The following NRCAM variants were observed in gnomAD, a reference collection of about 807,000 sequenced individuals.
NRCAM encodes the protein NgCAM-related cell adhesion molecule.
In NRCAM, 83 loss-of-function variants were observed where a neutral mutation model predicts 156.5. The observed-to-expected ratio is 0.53, with a 90% CI of 0.44 to 0.64. The LOEUF is 0.64. Ranked by LOEUF, NRCAM falls within the 30% of genes least tolerant of loss-of-function variation. NRCAM has a pLI of 0.00. For missense variants in NRCAM, 1,417 were observed against 1,597.3 expected (o/e 0.89, Z 1.92); for synonymous variants, 538 against 563.9 (o/e 0.95, Z 0.65).
intron 10 of NRCAM, 128 bp downstream of exon 10, chr7:108,225,517 A>G: frequency 2.8e-6 from 2 of 722,614 alleles, no homozygotes; most frequent in Non-Finnish European, 5.0e-6. Flanking sequence ...ATACATTTAT[A>G]CTAGTGGTAT....
chr7:108,217,372 G>A (rs942112536), intron 11 of NRCAM, among the ~76,000 whole-genome samples: 1 of 152,216 alleles, frequency 6.6e-6, no homozygotes, highest in Non-Finnish European at 1.5e-5. Flanking sequence ...GCTGGGAGGT[G>A]TCTCCCAGTC....
At chr7:108,404,340 C>A (rs2099801502) in intron 1 of NRCAM, among the ~76,000 whole-genome samples, 1 of 152,158 alleles carries the variant, frequency 6.6e-6, no homozygotes, top group Non-Finnish European at 1.5e-5. Flanking sequence ...TGCAAAGACT[C>A]TAAGACTTGG....
At chr7:108,367,437 T>A (rs909503765) in intron 2 of NRCAM, among the ~76,000 whole-genome samples, 1 of 152,150 alleles carries the variant, frequency 6.6e-6, no homozygotes, top group Non-Finnish European at 1.5e-5. Context: ...AATTCTTAAA[T>A]TAATAACTGA....
chr7:108,267,277 C>T (rs2097143107), intron 3 of NRCAM, among the ~76,000 whole-genome samples: 2 of 152,224 alleles, frequency 1.3e-5, no homozygotes, highest in Non-Finnish European at 2.9e-5. Context: ...CCTCTGCTTG[C>T]AAGATGTGTG....
At chr7:108,169,284 G>A (rs905690565) in intron 28 of NRCAM, among the ~76,000 whole-genome samples, 6 of 152,090 alleles carry the variant, frequency 3.9e-5, no homozygotes, top group Non-Finnish European at 8.8e-5. Flanking sequence ...ACCTGAGGCA[G>A]GCAATTCTAT....
intron 32 of NRCAM, among the ~76,000 whole-genome samples, chr7:108,154,229 T>C (rs537049494): frequency 2.0e-5 from 3 of 152,158 alleles, no homozygotes; most frequent in Non-Finnish European, 2.9e-5. Context: ...GATTGACCAA[T>C]GGAATGGAAT....
intron 1 of NRCAM, among the ~76,000 whole-genome samples, chr7:108,446,842 C>T (rs1226727871): frequency 6.6e-6 from 1 of 151,784 alleles, no homozygotes; most frequent in African/African-American, 2.4e-5. Context: ...ATTCTCCTGC[C>T]TCAGCCTCCT....
chr7:108,453,142 A>G (rs1040706136), intron 1 of NRCAM, among the ~76,000 whole-genome samples: 3 of 152,218 alleles, frequency 2.0e-5, no homozygotes, highest in Non-Finnish European at 2.9e-5. Context: ...AACACAGTAA[A>G]TATTTATTAA....
chr7:108,325,003 T>C (rs1340332891), intron 2 of NRCAM, among the ~76,000 whole-genome samples: 1 of 147,276 alleles, frequency 6.8e-6, no homozygotes, highest in Non-Finnish European at 1.5e-5. Flanking sequence ...GAAACCTCCC[T>C]CCACCAAATA....
At chr7:108,332,382 T>C (rs1221264037) in intron 2 of NRCAM, among the ~76,000 whole-genome samples, 1 of 152,220 alleles carries the variant, frequency 6.6e-6, no homozygotes, top group African/African-American at 2.4e-5. Context: ...ACTTTCTGTA[T>C]CTGGGCACTA....
At chr7:108,294,193 G>T (rs868311762) in intron 3 of NRCAM, among the ~76,000 whole-genome samples, 214 of 87,962 alleles carry the variant, frequency 2.4e-3, no homozygotes, top group Non-Finnish European at 2.7e-3. Flanking sequence ...TTCTTTACTG[G>T]TTTTTTTTTT....
At chr7:108,333,152 T>C (rs2099144193) in intron 2 of NRCAM, among the ~76,000 whole-genome samples, 1 of 152,206 alleles carries the variant, frequency 6.6e-6, no homozygotes, top group Admixed American at 6.5e-5. Flanking sequence ...CAAGGCTTAT[T>C]ACCATTTTCT....
intron 2 of NRCAM, among the ~76,000 whole-genome samples, chr7:108,376,510 G>A (rs192028770): frequency 6.6e-6 from 1 of 152,262 alleles, no homozygotes; most frequent in African/African-American, 2.4e-5. Context: ...CTGCCCTCCT[G>A]AGAAGAGTTA....
In NRCAM at chr7:108,219,523, T is replaced by G. The variant is rs369704401; in HGVS notation, c.890+4202A>C. On this transcript the variant is annotated intron_variant, in intron 11 of 32. Coordinates refer to ENST00000379028, the MANE Select transcript of NRCAM (RefSeq NM_001037132.4). ...CACCATGATCAAGTGGGTTGTATAC[T>G]AGGGATGCAGGGATGGTTTAACATA... Among the ~76,000 whole-genome samples, 34 of 152,300 alleles carry G rather than the reference T, an allele frequency of 2.2e-4. 1 individual carries two copies. In the East Asian group the frequency reaches 6.6e-3, roughly 29 times the overall value.
chr7:108,159,353 A>G lies in NRCAM; in HGVS notation c.3677+110T>C, dbSNP rs1479901920. 1.6e-5 allele frequency: 15 copies of G among 921,574 alleles called. No individual in the cohort carries two copies. In the South Asian group the frequency reaches 2.0e-4, roughly 12 times the overall value. 57.1% of individuals were successfully genotyped at this position (921,574 alleles called of 1,614,324 possible). A position where few individuals can be genotyped will look rare whatever the true frequency, so the allele number is the denominator to read the frequency against. On this transcript the variant is annotated intron_variant, in intron 32 of 32. Transcript: ENST00000379028. ...TACATGGAAGTATCCCTAAACTTCT[A>G]TTTGAGGAAAATATGAGATGCCAGG...
chr7:108,152,119 TA>T (rs899818665), intron 32 of NRCAM, among the ~76,000 whole-genome samples: 2 of 152,006 alleles, frequency 1.3e-5, no homozygotes, highest in South Asian at 2.1e-4. Context: ...ATCAACATAA[TA>T]AAAAAAATTA....
intron 5 of NRCAM, 65 bp downstream of exon 5, chr7:108,237,687 A>T: frequency 8.1e-7 from 1 of 1,235,012 alleles, no homozygotes; most frequent in Non-Finnish European, 1.1e-6. Context: ...TCACAATATT[A>T]ATTCAAAAAG....
intron 1 of NRCAM, among the ~76,000 whole-genome samples, chr7:108,431,002 A>G (rs1824350484): frequency 6.6e-6 from 1 of 152,182 alleles, no homozygotes; most frequent in South Asian, 2.1e-4. Flanking sequence ...TAGTGTATTA[A>G]TTAGGATAAG....
intron 13 of NRCAM, among the ~76,000 whole-genome samples, chr7:108,201,604 C>A (rs73414328): frequency 6.6e-6 from 1 of 152,206 alleles, no homozygotes; most frequent in East Asian, 1.9e-4. Flanking sequence ...TAATGTTACA[C>A]GACCATGAAC....
Sources: allele counts gnomAD v4.1 joint callset (sites outside exome capture counted in the v4.1 genomes callset), GRCh38; gene constraint gnomAD v4.1.1; transcripts MANE v1.5; gene names NCBI Gene and HGNC (gene_info 2026-07-23, HGNC 2026-07-21).